PSMG2: variants seen among roughly 807,000 people sequenced by gnomAD.
The protein encoded by PSMG2 is CD40 ligand-activated specific transcript 3.
A neutral mutation model predicts 31.5 loss-of-function variants in PSMG2; 21 were observed. The ratio of observed to expected loss-of-function variants is 0.67; its 90% CI spans 0.47 to 0.96. The LOEUF is 0.96. Ranked by LOEUF, PSMG2 falls within the 40% of genes least tolerant of loss-of-function variation. The probability of loss-of-function intolerance (pLI) is 0.00; values close to 1 mark genes in which losing one functional copy is unlikely to be tolerated. For missense variants in PSMG2, 318 were observed against 321.2 expected (o/e 0.99, Z 0.08); for synonymous variants, 120 against 110.4 (o/e 1.09, Z -0.54).
intron 1 of PSMG2, among the ~76,000 whole-genome samples, chr18:12,680,268 T>C (rs1207637402): frequency 6.6e-6 from 1 of 152,098 alleles, no homozygotes; most frequent in East Asian, 1.9e-4. Flanking sequence ...TCAAGTACCA[T>C]CAATATGGAC....
intron 1 of PSMG2, chr18:12,680,878 A>G: frequency 6.8e-7 from 1 of 1,475,784 alleles, no homozygotes; most frequent in South Asian, 1.2e-5. Context: ...TTATTTCCTC[A>G]TTACATACTT....
At chr18:12,701,979 T>C (rs146537037), upstream of PSMG2, among the ~76,000 whole-genome samples, 332 of 151,820 alleles carry the variant, frequency 2.2e-3, 2 homozygotes, top group African/African-American at 7.6e-3. Flanking sequence ...ATACAAAAAT[T>C]AGCCGAGCGT....
At chr18:12,668,153 T>G (rs563418760) in intron 1 of PSMG2, among the ~76,000 whole-genome samples, 1 of 151,958 alleles carries the variant, frequency 6.6e-6, no homozygotes, top group East Asian at 1.9e-4. Context: ...TAATCCCAGC[T>G]ATTTGGGAGG....
At chr18:12,698,359 G>A (rs2040034825), upstream of PSMG2, among the ~76,000 whole-genome samples, 1 of 152,088 alleles carries the variant, frequency 6.6e-6, no homozygotes, top group South Asian at 2.1e-4. Context: ...AGTAGAGACA[G>A]GGTTTCGACA....
chr18:12,695,470 T>C (rs904826256), intron 1 of PSMG2: 20 of 483,438 alleles, frequency 4.1e-5, no homozygotes, highest in Middle Eastern at 5.5e-4. Flanking sequence ...GGAATAAAGA[T>C]AACATTCAAC....
intron 1 of PSMG2, among the ~76,000 whole-genome samples, chr18:12,678,722 G>A (rs372070381): frequency 9.2e-5 from 14 of 152,022 alleles, no homozygotes; most frequent in South Asian, 2.1e-4. Context: ...TTGGGAGGCC[G>A]AGGCAGGGGG....
At chr18:12,704,325 C>A (rs926278411) in intron 1 of PSMG2, among the ~76,000 whole-genome samples, 3 of 152,122 alleles carry the variant, frequency 2.0e-5, no homozygotes, top group African/African-American at 7.2e-5. Context: ...ATGGCTCATG[C>A]CTGTAATCCC....
At chr18:12,680,814 A>T in intron 1 of PSMG2, 1 of 1,609,646 alleles carries the variant, frequency 6.2e-7, no homozygotes, top group Non-Finnish European at 8.5e-7. Context: ...GGTTAGCGTG[A>T]TCTTCACAGT....
chr18:12,673,052 TAAAGA>T, intron 1 of PSMG2: 1 of 1,021,418 alleles, frequency 9.8e-7, no homozygotes, highest in East Asian at 9.6e-5. Context: ...CCTGTTTGTG[TAAAGA>T]AAACTGAATG....
chr18:12,698,704 T>C (rs2040046055), upstream of PSMG2: 3 of 337,272 alleles, frequency 8.9e-6, no homozygotes, highest in Non-Finnish European at 1.6e-5. Context: ...AGCACCTGCC[T>C]AGCATAACAC....
intron 1 of PSMG2, among the ~76,000 whole-genome samples, chr18:12,665,690 TAAA>T (rs796341381): frequency 3.9e-5 from 6 of 152,214 alleles, no homozygotes; most frequent in Non-Finnish European, 7.3e-5. Context: ...ACAAACTTCT[TAAA>T]AATTTTTTTT....
At chr18:12,680,838 A>G (rs1210184710) in intron 1 of PSMG2, 2 of 1,597,986 alleles carry the variant, frequency 1.3e-6, no homozygotes, top group Non-Finnish European at 1.7e-6. Context: ...CCTGGAAGAT[A>G]AATTAAAATG....
chr18:12,703,257 A>G, intron 1 of PSMG2, 93 bp downstream of exon 1: 1 of 1,315,958 alleles, frequency 7.6e-7, no homozygotes. Flanking sequence ...CCTTGGGAGA[A>G]ATAGGGCACT....
At chr18:12,680,756 C>A (rs1328347368) in intron 1 of PSMG2, 1 of 1,613,660 alleles carries the variant, frequency 6.2e-7, no homozygotes, top group Non-Finnish European at 8.5e-7. Flanking sequence ...TTGGTCCCAA[C>A]ACAAACAAAG....
At position 12,703,148 on chromosome 18, in the gene PSMG2, G is replaced by C; in HGVS notation, c.41G>C (p.Gly14Ala). 6.2e-7 allele frequency: 1 copy of C among 1,611,702 alleles called. No homozygotes were observed. The change falls in exon 1 of 7, where the codon GGC becomes GCC. Residue 14 changes from glycine to alanine, a missense_variant. Gly to Ala is a moderately conservative substitution (Grantham distance 60). Coordinates refer to ENST00000317615, the MANE Select transcript of PSMG2 (RefSeq NM_020232.5). The part of the protein sequence containing the change: ...PCGESAPDLA[G>A]FTLLMPAVSV... ...GGGGAGTCGGCCCCCGACCTTGCCG[G>C]CTTCACCCTCCTAATGGTGAGTCTC...
chr18:12,700,690 C>G (rs2542174), upstream of PSMG2, among the ~76,000 whole-genome samples: 6 of 151,884 alleles, frequency 4.0e-5, no homozygotes, highest in Admixed American at 3.9e-4. Flanking sequence ...TATGTATATT[C>G]AAATTTACAG....
intron 6 of PSMG2, among the ~76,000 whole-genome samples, chr18:12,725,106 G>T (rs894562789): frequency 6.6e-6 from 1 of 152,164 alleles, no homozygotes; most frequent in African/African-American, 2.4e-5. Flanking sequence ...TCTAAGATGG[G>T]TAACTAGCTT....
At chr18:12,673,284 C>A (rs2038994129) in intron 1 of PSMG2, 5 of 1,488,318 alleles carry the variant, frequency 3.4e-6, no homozygotes, top group South Asian at 1.4e-5. Flanking sequence ...TTTAAAATAA[C>A]AAACCTCTAA....
rs76275554 is a variant in PSMG2 at position 12,682,172 on chromosome 18, T to C, written c.-37+23399T>C. ...CGAATGAAGAAATTTCTTTTTTTTTTCCTCTCTTTTGAGATAGGGTCTAGT... is the reference window on the plus strand; with the variant it reads ...CGAATGAAGAAATTTCTTTTTTTTTCCCTCTCTTTTGAGATAGGGTCTAGT... On this transcript the variant is annotated intron_variant, in intron 1 of 6. Transcript: ENST00000585331. 1.3e-3 allele frequency among the ~76,000 whole-genome samples: 203 copies of C among 152,048 alleles called. 1 individual carries two copies. The highest frequency in any genetic ancestry group is 4.5e-3 in the African/African-American group (188 of 41,496).
Sources: gnomAD v4.1 joint callset for allele counts (sites outside exome capture counted in the v4.1 genomes callset) on GRCh38, gnomAD v4.1.1 for gene constraint, MANE v1.5 for transcripts, NCBI Gene and HGNC (gene_info 2026-07-23, HGNC 2026-07-21) for gene names.